Variants in CEMIP2 observed in about 807,000 individuals in gnomAD.
CEMIP2 encodes cell surface hyaluronidase CEMIP2.
Under a neutral mutation model 146.9 loss-of-function variants are expected in CEMIP2, and 79 were observed. That is an observed-to-expected ratio of 0.54 (90% confidence interval 0.45 to 0.65). The LOEUF is 0.65. Among genes scored for constraint, CEMIP2 ranks in the 30% least tolerant of loss-of-function variants. The pLI is 0.00. For missense variants in CEMIP2, 1,596 were observed against 1,696.2 expected (o/e 0.94, Z 1.04); for synonymous variants, 601 against 606.3 (o/e 0.99, Z 0.13).
intron 5 of CEMIP2, among the ~76,000 whole-genome samples, chr9:71,739,215 T>G (rs1204147403): frequency 6.6e-6 from 1 of 151,688 alleles, no homozygotes; most frequent in East Asian, 2.0e-4. Flanking sequence ...AAACGTTGAC[T>G]AGAAGTCTGT....
chr9:71,708,788 C>T (rs1402121758), intron 17 of CEMIP2, among the ~76,000 whole-genome samples: 1 of 152,110 alleles, frequency 6.6e-6, no homozygotes, highest in Non-Finnish European at 1.5e-5. Context: ...TCCTAATCTC[C>T]AGCTCTGTCC....
intron 19 of CEMIP2, among the ~76,000 whole-genome samples, chr9:71,700,024 T>C (rs1023668757): frequency 6.6e-6 from 1 of 152,214 alleles, no homozygotes; most frequent in African/African-American, 2.4e-5. Context: ...ATAGGAGGAA[T>C]GTCTGCGTGA....
At chr9:71,741,631 G>GTTTTTTTTTTTTTTTTTTTTT (rs11334265) in intron 4 of CEMIP2, among the ~76,000 whole-genome samples, 4 of 73,124 alleles carry the variant, frequency 5.5e-5, no homozygotes, top group African/African-American at 5.4e-5. Flanking sequence ...TTCTTTTCTG[G>GTTTTTTTTTTTTTTTTTTTTT]TTTTTTTTTT....
At chr9:71,730,669 C>G (rs1315753210) in intron 8 of CEMIP2, 36 bp downstream of exon 8, 1 of 1,599,562 alleles carries the variant, frequency 6.3e-7, no homozygotes, top group East Asian at 2.2e-5. Context: ...TTAACTATTT[C>G]AATAATATGG....
chr9:71,704,698 A>C lies in CEMIP2; in HGVS notation c.3091T>G (p.Phe1031Val). ...VLRGINQKAA[F>V]PQYQPVVMLE... Reference sequence around the variant, plus strand: ...ATGACGACAGGCTGGTACTGTGGAAAGGCAGCCTTCTGATTAATACCTCGG... The same window carrying C: ...ATGACGACAGGCTGGTACTGTGGAACGGCAGCCTTCTGATTAATACCTCGG... Residue 1031 changes from phenylalanine (F) to valine (V), a missense_variant, in exon 18 of 24, where the codon TTT becomes GTT. Physicochemically the swap from Phe to Val is conservative, Grantham distance 50. Coordinates refer to ENST00000377044, the MANE Select transcript of CEMIP2 (RefSeq NM_013390.3). 1 of 1,614,182 alleles carries C rather than the reference A, an allele frequency of 6.2e-7. No individual in the cohort carries two copies. Among genetic ancestry groups the C allele is most frequent in the Middle Eastern group, 1.6e-4 (1 of 6,062 alleles).
intron 15 of CEMIP2, 141 bp downstream of exon 15, chr9:71,714,792 AG>A: frequency 1.3e-6 from 1 of 740,850 alleles, no homozygotes; most frequent in Non-Finnish European, 2.1e-6. Context: ...CAGCTGTAGC[AG>A]TAGTAGTAAT....
chr9:71,708,315 C>A lies in CEMIP2; in HGVS notation c.2985+944G>T, dbSNP rs148375827. On this transcript the variant is annotated intron_variant, in intron 17 of 23. Coordinates refer to ENST00000377044, the MANE Select transcript of CEMIP2 (RefSeq NM_013390.3). ...CCATTCTGCAATCTCTTCCATCCAC[C>A]AAAATGTCACTATTAAAATCACCTT... is the stretch of plus-strand genomic sequence containing the variant. Among the ~76,000 whole-genome samples, 8 of 152,332 alleles carry A rather than the reference C, an allele frequency of 5.3e-5. No homozygotes were observed. The East Asian group carries it at 1.5e-3, about 29-fold the overall frequency.
intron 20 of CEMIP2, among the ~76,000 whole-genome samples, chr9:71,697,187 A>T (rs980158735): frequency 6.6e-6 from 1 of 152,164 alleles, no homozygotes; most frequent in Admixed American, 6.5e-5. Flanking sequence ...TTTCCAGGGG[A>T]TCCTGATGCT....
intron 1 of CEMIP2, among the ~76,000 whole-genome samples, chr9:71,762,478 C>A (rs1824662341): frequency 7.4e-6 from 1 of 135,418 alleles, no homozygotes; most frequent in African/African-American, 2.9e-5. Flanking sequence ...GGTAACCTAA[C>A]AAGACCCCAT....
Position 71,685,395 on chromosome 9 carries a change from T to TCAA in CEMIP2, c.3956-3_3956-2insTTG. On this transcript the variant is annotated splice_region_variant and splice_polypyrimidine_tract_variant and intron_variant, in intron 23 of 23. Transcript: ENST00000377044. ...TGAATCCCAAAAATATGGTACTCCC[T>TCAA]AAAAAAAAAAAAAAAAAAGAAAAAG... 1 of 1,177,088 alleles carries TCAA rather than the reference T, an allele frequency of 8.5e-7. No homozygotes were observed. Among genetic ancestry groups the TCAA allele is most frequent in the Non-Finnish European group, 1.1e-6 (1 of 944,260 alleles). The allele number at this position is 1,177,088 out of a possible 1,614,324, so 72.9% of individuals were successfully genotyped here.
At position 71,735,000 on chromosome 9, in the gene CEMIP2, CCAAA is replaced by C. The variant is rs2131979144; in HGVS notation, c.1205-10_1205-7del. ...GAATCCTGAAAGAGAAACGCCTAAA[CCAAA>C]AAAAAAAAAAAGAAAAAGAAAGTGA... On this transcript the variant is annotated splice_region_variant and splice_polypyrimidine_tract_variant and intron_variant, in intron 5 of 23. Coordinates refer to ENST00000377044, the MANE Select transcript of CEMIP2 (RefSeq NM_013390.3). 1.3e-6 allele frequency: 2 copies of C among 1,499,732 alleles called. No homozygotes were observed. Among genetic ancestry groups the C allele is most frequent in the Admixed American group, 2.2e-5 (1 of 44,938 alleles). 92.9% of individuals were successfully genotyped at this position (1,499,732 alleles called of 1,614,324 possible). A position where few individuals can be genotyped will look rare whatever the true frequency, so the allele number is the denominator to read the frequency against.
chr9:71,738,614 T>C (rs929476299), intron 5 of CEMIP2, among the ~76,000 whole-genome samples: 1 of 151,352 alleles, frequency 6.6e-6, no homozygotes, highest in Non-Finnish European at 1.5e-5. Flanking sequence ...CTGAGGCGGG[T>C]GGATCACAAT....
chr9:71,755,973 A>C (rs1391250187), intron 1 of CEMIP2, among the ~76,000 whole-genome samples: 1 of 113,840 alleles, frequency 8.8e-6, no homozygotes, highest in African/African-American at 2.8e-5. Flanking sequence ...AAAAAAAAAA[A>C]AAAAAAAAAA....
chr9:71,685,798 A>G lies in CEMIP2; in HGVS notation c.3900T>C (p.Ile1300=). The change falls in exon 23 of 24, where the codon ATT becomes ATC. Residue 1300 remains isoleucine (I), a synonymous_variant. Coordinates refer to ENST00000377044, the MANE Select transcript of CEMIP2 (RefSeq NM_013390.3). ...ATCCCAGAGGTACTAGTAAGTGTGA[A>G]ATGTTTAACTGCTTTATTTCTCCTC... ...STRGEIKQLN[I]SHLLVPLGLA... The G allele has an allele frequency of 6.2e-7, 1 of 1,614,096 alleles. No individual in the cohort carries two copies. Among genetic ancestry groups the G allele is most frequent in the South Asian group, 1.1e-5 (1 of 91,076 alleles).
intron 1 of CEMIP2, among the ~76,000 whole-genome samples, chr9:71,753,620 T>C (rs1056371198): frequency 2.0e-5 from 3 of 152,208 alleles, no homozygotes; most frequent in Admixed American, 2.0e-4. Flanking sequence ...GGTAATATAG[T>C]GTTGCACCAT....
intron 2 of CEMIP2, among the ~76,000 whole-genome samples, chr9:71,748,095 C>T (rs1824139229): frequency 6.6e-6 from 1 of 152,148 alleles, no homozygotes; most frequent in Admixed American, 6.5e-5. Context: ...TTATAACAAG[C>T]ACTGTACCCA....
intron 21 of CEMIP2, 40 bp downstream of exon 21, chr9:71,694,469 C>T: frequency 1.3e-6 from 2 of 1,513,008 alleles, no homozygotes. Flanking sequence ...TTTTGTTATA[C>T]CACCTAGAAC....
chr9:71,731,812 A>T (rs1416320464), intron 7 of CEMIP2, among the ~76,000 whole-genome samples: 1 of 152,164 alleles, frequency 6.6e-6, no homozygotes, highest in African/African-American at 2.4e-5. Context: ...TGATTTAAAA[A>T]CACATGTAGC....
chr9:71,690,407 G>T (rs1822194236), intron 21 of CEMIP2, among the ~76,000 whole-genome samples, 161 bp from the exon 22 acceptor site: 1 of 152,198 alleles, frequency 6.6e-6, no homozygotes, highest in Admixed American at 6.5e-5. Context: ...CTCACCATCT[G>T]AAATTGCGTC....
Sources: allele counts gnomAD v4.1 joint callset (sites outside exome capture counted in the v4.1 genomes callset), GRCh38; gene constraint gnomAD v4.1.1; transcripts MANE v1.5; gene names NCBI Gene and HGNC (gene_info 2026-07-23, HGNC 2026-07-21).